The following ALK variants were observed in gnomAD, a reference collection of about 807,000 sequenced individuals.
The protein encoded by ALK is ALK receptor tyrosine kinase, also known as ALK tyrosine kinase receptor.
In ALK, 74 loss-of-function variants were observed where a neutral mutation model predicts 163.1. That is an observed-to-expected ratio of 0.45 (90% CI 0.38 to 0.55). The LOEUF is 0.55. Ranked by LOEUF, ALK falls within the 20% of genes least tolerant of loss-of-function variation. The pLI is 0.00. For synonymous variants in ALK, 960 were observed against 843.2 expected (o/e 1.14, Z -2.40); for missense variants, 2,063 against 2,105.3 (o/e 0.98, Z 0.39).
chr2:29,420,719 G>A (rs1165267176), intron 4 of ALK, among the ~76,000 whole-genome samples: 22 of 151,516 alleles, frequency 1.5e-4, no homozygotes, highest in Admixed American at 1.3e-3. Context: ...GGAGACTGCA[G>A]GCAACTCTCT....
Position 29,549,162 on chromosome 2 carries a change from G to T in ALK, c.953-17046C>A, listed in dbSNP as rs79895650. Among the ~76,000 whole-genome samples, 7 of 103,814 alleles carry T rather than the reference G, an allele frequency of 6.7e-5. No individual in the cohort carries two copies. The East Asian group carries it at 1.8e-3, about 27-fold the overall frequency. 68.1% of individuals were successfully genotyped at this position (103,814 alleles called of 152,430 possible). ...TACACACACACACACACACACACAC[G>T]CACACACACACGGACACACACATGC... On this transcript the variant is annotated intron_variant, in intron 3 of 28. Coordinates refer to ENST00000389048, the MANE Select transcript of ALK (RefSeq NM_004304.5).
chr2:29,656,308 C>T (rs759415133), intron 3 of ALK, among the ~76,000 whole-genome samples: 1 of 152,040 alleles, frequency 6.6e-6, no homozygotes, highest in African/African-American at 2.4e-5. Context: ...ATGTAAGATC[C>T]GTCCTAACTC....
chr2:29,217,679 C>A (rs1391814602), intron 23 of ALK, among the ~76,000 whole-genome samples: 1 of 152,142 alleles, frequency 6.6e-6, no homozygotes, highest in African/African-American at 2.4e-5. Context: ...CACTGAGCTA[C>A]AGAGCTGGCA....
intron 6 of ALK, among the ~76,000 whole-genome samples, chr2:29,321,208 G>A (rs1667033267): frequency 6.6e-6 from 1 of 152,204 alleles, no homozygotes; most frequent in Non-Finnish European, 1.5e-5. Context: ...AGGTCACACA[G>A]CTAACAGATA....
intron 1 of ALK, among the ~76,000 whole-genome samples, chr2:29,896,961 G>C (rs1667288074): frequency 6.6e-6 from 1 of 152,214 alleles, no homozygotes; most frequent in Non-Finnish European, 1.5e-5. Context: ...TTGATGTTTT[G>C]AGCAAAGCAG....
At chr2:29,648,454 T>C (rs1464239160) in intron 3 of ALK, among the ~76,000 whole-genome samples, 1 of 152,150 alleles carries the variant, frequency 6.6e-6, no homozygotes, top group African/African-American at 2.4e-5. Flanking sequence ...TTCAGAACTC[T>C]TTTCACCTTG....
chr2:29,490,205 G>C lies in ALK; in HGVS notation c.1154+41710C>G, dbSNP rs894499892. On this transcript the variant is annotated intron_variant, in intron 4 of 28. Coordinates refer to ENST00000389048, the MANE Select transcript of ALK (RefSeq NM_004304.5). ...AGTCAGAGCTGGAGCTAGAGATAGG[G>C]AAGAGCTGAGGCCGCAAGCAGCCCA... 4.6e-5 allele frequency among the ~76,000 whole-genome samples: 7 copies of C among 152,242 alleles called. No homozygotes were observed. The East Asian group carries it at 5.8e-4, about 13-fold the overall frequency.
rs182333661 is a variant in ALK at position 29,900,612 on chromosome 2, C to T, written c.667+19381G>A. Among the ~76,000 whole-genome samples the T allele has an allele frequency of 7.9e-5, 12 of 152,318 alleles. No individual in the cohort carries two copies. In the South Asian group the frequency reaches 1.5e-3, roughly 18 times the overall value. On this transcript the variant is annotated intron_variant, in intron 1 of 28. Transcript: ENST00000389048. ...GTGGGTACTTCACTCAATGTCTATC[C>T]GCAGTCAAAATGACAGTCAGAAGCA...
At chr2:29,667,312 C>A (rs1210788875) in intron 3 of ALK, among the ~76,000 whole-genome samples, 1 of 151,918 alleles carries the variant, frequency 6.6e-6, no homozygotes, top group Non-Finnish European at 1.5e-5. Flanking sequence ...TTATTTATTT[C>A]TCTGAATAAA....
At chr2:29,537,377 G>A (rs957930841) in intron 3 of ALK, among the ~76,000 whole-genome samples, 2 of 152,196 alleles carry the variant, frequency 1.3e-5, no homozygotes, top group African/African-American at 4.8e-5. Context: ...GGCTGTACCA[G>A]CTCTAGCCAT....
chr2:29,514,394 G>A (rs113084105), intron 4 of ALK, among the ~76,000 whole-genome samples: 36,211 of 150,986 alleles, frequency 0.24, 5,140 homozygotes, highest in Middle Eastern at 0.36. Context: ...GTAAACTATC[G>A]CAAGAACAAA....
At chr2:29,810,615 G>A (rs911987957) in intron 1 of ALK, among the ~76,000 whole-genome samples, 4 of 152,118 alleles carry the variant, frequency 2.6e-5, no homozygotes, top group Non-Finnish European at 5.9e-5. Flanking sequence ...CAGTTTCAAC[G>A]TTGACTGGCC....
chr2:29,796,421 A>G (rs760948460), intron 1 of ALK, among the ~76,000 whole-genome samples: 2 of 152,298 alleles, frequency 1.3e-5, no homozygotes, highest in East Asian at 3.9e-4. Flanking sequence ...ACAAAGACCA[A>G]TTTGAGCCAT....
At chr2:29,196,978 T>C (rs1669039246) in intron 27 of ALK, 118 bp from the exon 28 acceptor site, 5 of 810,070 alleles carry the variant, frequency 6.2e-6, no homozygotes, top group Non-Finnish European at 1.0e-5. Flanking sequence ...CTAGGCCCCG[T>C]GTACTTGGCC....
intron 1 of ALK, among the ~76,000 whole-genome samples, chr2:29,808,717 C>G (rs1215429203): frequency 1.3e-5 from 2 of 152,234 alleles, no homozygotes; most frequent in Non-Finnish European, 2.9e-5. Context: ...TGGCTGATCA[C>G]TGCCTTTCCA....
chr2:29,573,567 T>C (rs949226259), intron 3 of ALK, among the ~76,000 whole-genome samples: 13 of 152,208 alleles, frequency 8.5e-5, no homozygotes, highest in African/African-American at 2.9e-4. Context: ...AAATTCAAAC[T>C]TCAGTGTCCA....
At chr2:29,330,503 T>C (rs919435605) in intron 5 of ALK, among the ~76,000 whole-genome samples, 4 of 152,186 alleles carry the variant, frequency 2.6e-5, no homozygotes, top group Non-Finnish European at 5.9e-5. Context: ...ACCCCAGGCC[T>C]AGCCAGTGCC....
At position 29,403,494 on chromosome 2, in the gene ALK, T is replaced by C. The variant is rs76978705; in HGVS notation, c.1155-19635A>G. 1.7e-3 allele frequency among the ~76,000 whole-genome samples: 253 copies of C among 152,192 alleles called. 1 individual carries two copies. Among genetic ancestry groups the C allele is most frequent in the African/African-American group, 5.4e-3 (226 of 41,542 alleles). ...CCTGTGTTGACACTTGGAATTACCA[T>C]ATTCTCCTCCAAAGGTTCCAAAATC... On this transcript the variant is annotated intron_variant, in intron 4 of 28. Coordinates refer to ENST00000389048, the MANE Select transcript of ALK (RefSeq NM_004304.5).
chr2:29,461,844 T>C (rs908066278), intron 4 of ALK, among the ~76,000 whole-genome samples: 5 of 152,272 alleles, frequency 3.3e-5, no homozygotes, highest in Middle Eastern at 3.4e-3. Flanking sequence ...TAGATAGTGA[T>C]TCCTCTGATG....
Sources: allele counts gnomAD v4.1 joint callset (sites outside exome capture counted in the v4.1 genomes callset), GRCh38; gene constraint gnomAD v4.1.1; transcripts MANE v1.5; gene names NCBI Gene and HGNC (gene_info 2026-07-23, HGNC 2026-07-21).